HIPK2: variants seen among roughly 807,000 people sequenced by gnomAD.
HIPK2 encodes homeodomain-interacting protein kinase 2.
HIPK2 carries 27 observed loss-of-function variants against 113.7 expected under a neutral mutation model. The ratio of observed to expected loss-of-function variants is 0.24; its 90% CI spans 0.17 to 0.33. HIPK2 has a LOEUF of 0.33. HIPK2 is among the 10% of genes least tolerant of loss of function. HIPK2 has a pLI of 1.00. For synonymous variants in HIPK2, 631 were observed against 642.2 expected, an observed-to-expected ratio of 0.98 and a Z score of 0.26; for missense variants, 1,257 against 1,588.0, an observed-to-expected ratio of 0.79 and a Z score of 3.54.
In HIPK2 at chr7:139,738,222, A is replaced by G. The variant is rs144137729; in HGVS notation, c.20-21207T>C. On this transcript the variant is annotated intron_variant, in intron 1 of 14. Transcript: ENST00000406875. ...CTGGAATGTAAACAGTGGCTCAGAT[A>G]AAAATATTGTATCAGTGTTACATTC... Among the ~76,000 whole-genome samples the G allele has an allele frequency of 1.4e-3, 208 of 152,390 alleles. 5 individuals carry two copies. In the East Asian group the frequency reaches 0.032, roughly 23 times the overall value.
At chr7:139,656,926 A>C (rs1344626450) in intron 2 of HIPK2, among the ~76,000 whole-genome samples, 1 of 151,118 alleles carries the variant, frequency 6.6e-6, no homozygotes, top group Non-Finnish European at 1.5e-5. Context: ...GCTGGAGTGC[A>C]ATGGCACAAT....
chr7:139,572,279 C>A lies in HIPK2; in HGVS notation c.*648G>T, dbSNP rs1042061016. 2.6e-5 allele frequency: 4 copies of A among 152,224 alleles called. No individual in the cohort carries two copies. The South Asian group carries it at 8.3e-4, about 31-fold the overall frequency. The allele number at this position is 152,224 out of a possible 1,614,324, so 9.4% of individuals were successfully genotyped here. ...CCCCCGTCTTTCCTGACTAGGGAGC[C>A]CGGACTGGGCTTCGCCAATCCCACA... On this transcript the variant is annotated 3_prime_UTR_variant, in exon 15 of 15. Transcript: ENST00000406875.
At chr7:139,741,865 CAG>C (rs1429669782) in intron 1 of HIPK2, among the ~76,000 whole-genome samples, 1 of 152,170 alleles carries the variant, frequency 6.6e-6, no homozygotes, top group African/African-American at 2.4e-5. Context: ...TGAAAAATGT[CAG>C]AGAAAACAAA....
intron 12 of HIPK2, among the ~76,000 whole-genome samples, chr7:139,585,868 CA>C (rs1406519041): frequency 6.6e-6 from 1 of 151,932 alleles, no homozygotes; most frequent in African/African-American, 2.4e-5. Context: ...ATGAATAAAC[CA>C]GAAGATTGAA....
chr7:139,620,120 TC>T (rs1320817148), intron 7 of HIPK2, among the ~76,000 whole-genome samples: 2 of 151,994 alleles, frequency 1.3e-5, no homozygotes, highest in Non-Finnish European at 1.5e-5. Context: ...AGCACCCCCT[TC>T]CCCCTATTCC....
At chr7:139,632,866 C>T (rs1465222813) in intron 2 of HIPK2, among the ~76,000 whole-genome samples, 2 of 151,798 alleles carry the variant, frequency 1.3e-5, no homozygotes, top group Admixed American at 6.6e-5. Context: ...CTGCTTGAAC[C>T]CAGGAGTTCA....
intron 2 of HIPK2, among the ~76,000 whole-genome samples, chr7:139,656,939 C>T (rs1442557538): frequency 4.6e-5 from 7 of 151,884 alleles, no homozygotes; most frequent in African/African-American, 7.3e-5. Context: ...GGCACAATCT[C>T]GGCTCACTGC....
intron 2 of HIPK2, among the ~76,000 whole-genome samples, chr7:139,666,337 T>C (rs1226588814): frequency 2.6e-5 from 4 of 152,168 alleles, no homozygotes; most frequent in Admixed American, 6.5e-5. Context: ...GGGGCTGCCG[T>C]GGTGTGTCCT....
intron 2 of HIPK2, among the ~76,000 whole-genome samples, chr7:139,698,300 G>A (rs891504640): frequency 3.5e-4 from 53 of 152,106 alleles, no homozygotes; most frequent in African/African-American, 1.0e-3. Flanking sequence ...TTTCCTTTTC[G>A]TGGCGAAATA....
At chr7:139,624,396 C>T (rs1800353623) in intron 6 of HIPK2, among the ~76,000 whole-genome samples, 3 of 152,178 alleles carry the variant, frequency 2.0e-5, no homozygotes, top group African/African-American at 7.2e-5. Flanking sequence ...CAAGCCATTC[C>T]CTGCCTCGCT....
At position 139,751,211 on chromosome 7, in the gene HIPK2, T is replaced by TAC. The variant is rs71950202; in HGVS notation, c.19+26392_19+26393dup. ...AGAGAATAGTATAGTTAAAAAACAC[T>TAC]ACAATCAGAGTGAAACATTTAAAAA... On this transcript the variant is annotated intron_variant, in intron 1 of 14. Transcript: ENST00000406875. Among the ~76,000 whole-genome samples the TAC allele has an allele frequency of 1.6e-3, 114 of 69,212 alleles. No homozygotes were observed. The African/African-American group carries it at 0.038, about 23-fold the overall frequency. The allele number at this position is 69,212 out of a possible 152,430, so 45.4% of individuals were successfully genotyped here.
chr7:139,695,847 ATTTC>A (rs1384486492), intron 2 of HIPK2, among the ~76,000 whole-genome samples: 1 of 152,180 alleles, frequency 6.6e-6, no homozygotes, highest in Non-Finnish European at 1.5e-5. Flanking sequence ...GATCAGAGTG[ATTTC>A]TGTCTAATTT....
intron 2 of HIPK2, among the ~76,000 whole-genome samples, chr7:139,671,751 C>A (rs10249520): frequency 0.08 from 12,226 of 152,184 alleles, 585 homozygotes; most frequent in African/African-American, 0.14. Flanking sequence ...AGGGTTTCAC[C>A]ATGTTGGCCA....
chr7:139,578,103 G>A lies in HIPK2; in HGVS notation c.2966-2815C>T, dbSNP rs543043948. On this transcript the variant is annotated intron_variant, in intron 13 of 14. Coordinates refer to ENST00000406875, the MANE Select transcript of HIPK2 (RefSeq NM_022740.5). ...CAGCTCACTGCAGCCTCCGCCTCCCGGGTTCAAGTGATTCTCCTGCCTCAG... is the reference window on the plus strand; with the variant it reads ...CAGCTCACTGCAGCCTCCGCCTCCCAGGTTCAAGTGATTCTCCTGCCTCAG... Among the ~76,000 whole-genome samples the A allele has an allele frequency of 2.5e-3, 380 of 152,036 alleles. 2 individuals carry two copies. Among genetic ancestry groups the A allele is most frequent in the African/African-American group, 8.8e-3 (367 of 41,486 alleles).
intron 1 of HIPK2, among the ~76,000 whole-genome samples, chr7:139,721,438 C>T (rs926881632): frequency 3.9e-5 from 6 of 152,118 alleles, no homozygotes; most frequent in East Asian, 1.9e-4. Context: ...GAGCCCACAA[C>T]GTATTACTTC....
chr7:139,632,409 T>C (rs1800649867), intron 2 of HIPK2, among the ~76,000 whole-genome samples: 1 of 152,256 alleles, frequency 6.6e-6, no homozygotes, highest in African/African-American at 2.4e-5. Context: ...CAATTATCCT[T>C]TCTTAAGAAT....
At chr7:139,703,739 C>T (rs892072888) in intron 2 of HIPK2, among the ~76,000 whole-genome samples, 4 of 72,878 alleles carry the variant, frequency 5.5e-5, no homozygotes, top group African/African-American at 1.8e-4. Context: ...CATACACACC[C>T]GACACACACC....
At position 139,764,070 on chromosome 7, in the gene HIPK2, G is replaced by A. The variant is rs138264239; in HGVS notation, c.19+13535C>T. Among the ~76,000 whole-genome samples, 279 of 152,296 alleles carry A rather than the reference G, an allele frequency of 1.8e-3. 1 individual carries two copies. Among genetic ancestry groups the A allele is most frequent in the African/African-American group, 5.8e-3 (241 of 41,540 alleles). On this transcript the variant is annotated intron_variant, in intron 1 of 14. Coordinates refer to ENST00000406875, the MANE Select transcript of HIPK2 (RefSeq NM_022740.5). ...AGAAACGCATGTGTTAGATAAGCTC[G>A]TTCAGGCATGAGTTATAGTGCTGTT...
At chr7:139,717,089 G>A in intron 1 of HIPK2, 74 bp from the exon 2 acceptor site, 1 of 1,502,588 alleles carries the variant, frequency 6.7e-7, no homozygotes, top group South Asian at 1.3e-5. Flanking sequence ...ATCCCCTTCA[G>A]TTCTCATCTG....
Sources: gnomAD v4.1 joint callset for allele counts (sites outside exome capture counted in the v4.1 genomes callset) on GRCh38, gnomAD v4.1.1 for gene constraint, MANE v1.5 for transcripts, NCBI Gene and HGNC (gene_info 2026-07-23, HGNC 2026-07-21) for gene names.